SNTG2: variants seen among roughly 807,000 people sequenced by gnomAD.
SNTG2 encodes syntrophin gamma 2, also known as gamma-2-syntrophin.
SNTG2 carries 74 observed loss-of-function variants against 70.9 expected under a neutral mutation model. The ratio of observed to expected loss-of-function variants is 1.04; its 90% CI spans 0.86 to 1.27. SNTG2 has a LOEUF of 1.27. SNTG2 is among the 50% of genes most tolerant of loss of function. The pLI is 0.00. For synonymous variants in SNTG2, 278 were observed against 273.8 expected (o/e 1.02, Z -0.15); for missense variants, 717 against 690.7 (o/e 1.04, Z -0.43).
At chr2:1,280,504 G>A (rs3925066) in intron 14 of SNTG2, among the ~76,000 whole-genome samples, 1 of 152,128 alleles carries the variant, frequency 6.6e-6, no homozygotes, top group East Asian at 1.9e-4. Flanking sequence ...CCTGGGAAGG[G>A]ACTGGCCTTG....
At chr2:1,052,437 C>T (rs1180019875) in intron 1 of SNTG2, among the ~76,000 whole-genome samples, 2 of 152,240 alleles carry the variant, frequency 1.3e-5, no homozygotes, top group Admixed American at 6.5e-5. Flanking sequence ...TTCATATCTG[C>T]GGGACTCATA....
intron 8 of SNTG2, among the ~76,000 whole-genome samples, chr2:1,201,875 T>A (rs1295036839): frequency 1.3e-5 from 2 of 151,898 alleles, no homozygotes; most frequent in Non-Finnish European, 2.9e-5. Flanking sequence ...ATGCAAAGAA[T>A]AGGAGTGAAC....
At chr2:1,304,472 A>C (rs2148241041) in intron 14 of SNTG2, among the ~76,000 whole-genome samples, 1 of 152,262 alleles carries the variant, frequency 6.6e-6, no homozygotes, top group East Asian at 1.9e-4. Flanking sequence ...CATGCCTGTA[A>C]TCTCAGCACT....
chr2:954,348 C>T (rs1264591692), intron 1 of SNTG2, among the ~76,000 whole-genome samples: 1 of 151,818 alleles, frequency 6.6e-6, no homozygotes, highest in Non-Finnish European at 1.5e-5. Flanking sequence ...ATTCCAAATC[C>T]CTCAGAAACT....
At chr2:1,019,936 G>C (rs1660067447) in intron 1 of SNTG2, among the ~76,000 whole-genome samples, 1 of 152,120 alleles carries the variant, frequency 6.6e-6, no homozygotes, top group Non-Finnish European at 1.5e-5. Context: ...CCAGCTACTT[G>C]GGAAGCTGAG....
intron 8 of SNTG2, among the ~76,000 whole-genome samples, chr2:1,175,231 G>A (rs1315216278): frequency 2.6e-5 from 4 of 152,120 alleles, no homozygotes; most frequent in Non-Finnish European, 4.4e-5. Flanking sequence ...GCACTGCCAC[G>A]GCTCACAAGT....
chr2:1,162,071 CAAAA>C (rs58579024), intron 6 of SNTG2, among the ~76,000 whole-genome samples: 80 of 89,768 alleles, frequency 8.9e-4, no homozygotes, highest in Middle Eastern at 7.9e-3. Context: ...GACTCCGTCT[CAAAA>C]AAAAAAAAAA....
At chr2:1,276,473 A>G (rs1679272852) in intron 14 of SNTG2, among the ~76,000 whole-genome samples, 2 of 152,256 alleles carry the variant, frequency 1.3e-5, no homozygotes, top group Admixed American at 1.3e-4. Flanking sequence ...CAAAGCCTGG[A>G]TGACAGCACA....
intron 14 of SNTG2, among the ~76,000 whole-genome samples, chr2:1,274,676 AT>A (rs1373950173): frequency 6.6e-6 from 1 of 152,074 alleles, no homozygotes; most frequent in Non-Finnish European, 1.5e-5. Flanking sequence ...AGAACTCACC[AT>A]TCTGCCCTCG....
intron 8 of SNTG2, 115 bp downstream of exon 8, chr2:1,173,298 A>C: frequency 2.1e-6 from 2 of 971,612 alleles, no homozygotes; most frequent in Admixed American, 2.2e-5. Context: ...TAATTGTGTT[A>C]GTTTCAGAGG....
At chr2:1,237,866 G>A in intron 9 of SNTG2, 22 bp from the exon 10 acceptor site, 3 of 1,589,656 alleles carry the variant, frequency 1.9e-6, no homozygotes, top group Non-Finnish European at 2.6e-6. Flanking sequence ...GGGGCCTCCT[G>A]GACAGCTCTC....
At chr2:1,066,893 T>C (rs1349499787) in intron 1 of SNTG2, among the ~76,000 whole-genome samples, 6 of 152,070 alleles carry the variant, frequency 3.9e-5, no homozygotes, top group Admixed American at 3.9e-4. Context: ...GTCGTCAACT[T>C]CCAATGGCGT....
intron 1 of SNTG2, among the ~76,000 whole-genome samples, chr2:1,034,715 T>G (rs1661035958): frequency 6.6e-6 from 1 of 152,218 alleles, no homozygotes; most frequent in Admixed American, 6.5e-5. Flanking sequence ...ATCAGCAATC[T>G]TGAGCATTTT....
intron 1 of SNTG2, among the ~76,000 whole-genome samples, chr2:1,042,819 T>C (rs1661515135): frequency 6.6e-6 from 1 of 152,226 alleles, no homozygotes; most frequent in Non-Finnish European, 1.5e-5. Flanking sequence ...TGAATAGTGC[T>C]GGGATGAGGA....
chr2:1,111,308 C>T (rs79856292), intron 4 of SNTG2, among the ~76,000 whole-genome samples: 1,529 of 152,320 alleles, frequency 0.01, 22 homozygotes, highest in African/African-American at 0.035. Flanking sequence ...CTGTGCACTG[C>T]AGGTCAAATT....
At chr2:986,648 C>G (rs931706152) in intron 1 of SNTG2, among the ~76,000 whole-genome samples, 1 of 152,180 alleles carries the variant, frequency 6.6e-6, no homozygotes, top group East Asian at 1.9e-4. Context: ...TAAAGACTAT[C>G]GGAGATTCTG....
intron 1 of SNTG2, among the ~76,000 whole-genome samples, chr2:976,784 G>A (rs1197051760): frequency 6.6e-6 from 1 of 152,058 alleles, no homozygotes; most frequent in Non-Finnish European, 1.5e-5. Flanking sequence ...GCAGGTCTGT[G>A]CAACCCCCAC....
chr2:1,137,742 A>G, intron 5 of SNTG2, 26 bp from the exon 6 acceptor site: 1 of 1,613,742 alleles, frequency 6.2e-7, no homozygotes. Context: ...GTTATTCTCA[A>G]CATTCTTACT....
At chr2:1,222,131 CTCTG>C (rs1553362389) in intron 9 of SNTG2, among the ~76,000 whole-genome samples, 8 of 122,748 alleles carry the variant, frequency 6.5e-5, no homozygotes, top group East Asian at 2.3e-4. Context: ...CTCTGTCTCT[CTCTG>C]TCTCTCTCTG....
Sources: gnomAD v4.1 joint callset for allele counts (sites outside exome capture counted in the v4.1 genomes callset) on GRCh38, gnomAD v4.1.1 for gene constraint, MANE v1.5 for transcripts, NCBI Gene and HGNC (gene_info 2026-07-23, HGNC 2026-07-21) for gene names.